ESM1: variants seen among roughly 807,000 people sequenced by gnomAD.
ESM1 encodes endothelial cell specific molecule 1, also known as endothelial cell-specific molecule 1.
In ESM1, 7 loss-of-function variants were observed where a neutral mutation model predicts 14.9. That is an observed-to-expected ratio of 0.47 (90% CI 0.27 to 0.88). ESM1 has a LOEUF of 0.88. Ranked by LOEUF, ESM1 falls within the 40% of genes least tolerant of loss-of-function variation. The probability of loss-of-function intolerance (pLI) is 0.14; values close to 1 mark genes in which losing one functional copy is unlikely to be tolerated. For synonymous variants in ESM1, 89 were observed against 89.4 expected, an observed-to-expected ratio of 1.00 and a Z score of 0.02; for missense variants, 192 against 237.9, an observed-to-expected ratio of 0.81 and a Z score of 1.27.
At chr5:54,983,422 T>C (rs1446166597) in intron 1 of ESM1, among the ~76,000 whole-genome samples, 1 of 152,234 alleles carries the variant, frequency 6.6e-6, no homozygotes, top group Non-Finnish European at 1.5e-5. Flanking sequence ...ATAGTAAGTG[T>C]TCATTAAATA....
Position 54,985,346 on chromosome 5 carries a change from C to T in ESM1, c.172G>A (p.Ala58Thr), listed in dbSNP as rs1030370209. The part of the protein sequence containing the change: ...LDDCGCCRVC[A>T]AGRGETCYRT... The stretch of plus-strand genomic sequence containing the variant: ...TAGCAAGTTTCTCCCCGCCCTGCAG[C>T]GCACACTCGGCAGCAGCCACAGTCG... The change falls in exon 1 of 3, where the codon GCT becomes ACT. Residue 58 changes from alanine to threonine, a missense_variant. Coordinates refer to ENST00000381405, the MANE Select transcript of ESM1 (RefSeq NM_007036.5). 1 of 1,614,174 alleles carries T rather than the reference C, an allele frequency of 6.2e-7. No individual in the cohort carries two copies. Among genetic ancestry groups the T allele is most frequent in the South Asian group, 1.1e-5 (1 of 91,084 alleles).
chr5:54,982,715 G>A (rs1458321430), intron 1 of ESM1, among the ~76,000 whole-genome samples: 1 of 152,114 alleles, frequency 6.6e-6, no homozygotes, highest in Non-Finnish European at 1.5e-5. Flanking sequence ...TGTCGAAACG[G>A]CATGTCATAC....
rs184806989 is a variant in ESM1, at chr5:54,984,501, G to A, written c.301+716C>T. 7.9e-5 allele frequency among the ~76,000 whole-genome samples: 12 copies of A among 152,180 alleles called. No homozygotes were observed. The East Asian group carries it at 9.6e-4, about 12-fold the overall frequency. On this transcript the variant is annotated intron_variant, in intron 1 of 2. Transcript: ENST00000381405. ...TTATTTAGCTAAAATTTCAACCGAC[G>A]AAGTTTTTCTTTAAGTGTACAAGTG...
chr5:54,983,150 T>C (rs1740426248), intron 1 of ESM1, among the ~76,000 whole-genome samples: 1 of 152,198 alleles, frequency 6.6e-6, no homozygotes, highest in Non-Finnish European at 1.5e-5. Context: ...AAGTAGATCA[T>C]CAATGAGCTA....
intron 2 of ESM1, 107 bp from the exon 3 acceptor site, chr5:54,979,542 C>T (rs1744010979): frequency 2.7e-6 from 2 of 750,610 alleles, no homozygotes; most frequent in Non-Finnish European, 4.6e-6. Context: ...AATCTTTAAT[C>T]AATTTAAGAT....
chr5:54,978,701 C>A lies in ESM1; in HGVS notation c.*631G>T, dbSNP rs1743985661. On this transcript the variant is annotated 3_prime_UTR_variant, in exon 3 of 3. Transcript: ENST00000381405. ...CCTTCAGATACAGGTAACCCGGGAA[C>A]TACATCAGCAGCCTTTTGAAATTGC... is the stretch of plus-strand genomic sequence containing the variant. 6.6e-6 allele frequency: 1 copy of A among 152,488 alleles called. No individual in the cohort carries two copies. Among genetic ancestry groups the A allele is most frequent in the South Asian group, 2.1e-4 (1 of 4,820 alleles). 9.4% of individuals were successfully genotyped at this position (152,488 alleles called of 1,614,324 possible). A position where few individuals can be genotyped will look rare whatever the true frequency, so the allele number is the denominator to read the frequency against.
At position 54,978,380 on chromosome 5, in the gene ESM1, T is replaced by A; in HGVS notation, c.*952A>T. The A allele has an allele frequency of 1.3e-5, 2 of 152,156 alleles. No individual in the cohort carries two copies. The highest frequency in any genetic ancestry group is 4.2e-4 in the South Asian group (2 of 4,792). The allele number at this position is 152,156 out of a possible 1,614,324, so 9.4% of individuals were successfully genotyped here. The stretch of plus-strand genomic sequence containing the variant: ...TTATGCTTATTAAGGTTATTATTAC[T>A]ATAATTATGGATAATAAATTTATCA... On this transcript the variant is annotated 3_prime_UTR_variant, in exon 3 of 3. Coordinates refer to ENST00000381405, the MANE Select transcript of ESM1 (RefSeq NM_007036.5).
In ESM1 at chr5:54,977,885, A is replaced by G. The variant is rs1743966910; in HGVS notation, c.*1447T>C. ...GAGAAGCTGTATCTTGTTCTTTTTT[A>G]TTGAACAATAATAAACATGTCCTTT... On this transcript the variant is annotated 3_prime_UTR_variant, in exon 3 of 3. Coordinates refer to ENST00000381405, the MANE Select transcript of ESM1 (RefSeq NM_007036.5). The G allele has an allele frequency of 6.6e-6, 1 of 152,210 alleles. No individual in the cohort carries two copies. Among genetic ancestry groups the G allele is most frequent in the African/African-American group, 2.4e-5 (1 of 41,470 alleles). The allele number at this position is 152,210 out of a possible 1,614,324, so 9.4% of individuals were successfully genotyped here. A position where few individuals can be genotyped will look rare whatever the true frequency, so the allele number is the denominator to read the frequency against.
rs1740518629 is a variant in ESM1, at chr5:54,985,518, G to A, written c.-1C>T. ...TGGTCAGCAGCAAGACGCTCTTCATGTTTCCCAGCTGCCTCCGGCTCGGCT... is the reference window on the plus strand; with the variant it reads ...TGGTCAGCAGCAAGACGCTCTTCATATTTCCCAGCTGCCTCCGGCTCGGCT... On this transcript the variant is annotated 5_prime_UTR_variant, in exon 1 of 3. Coordinates refer to ENST00000381405, the MANE Select transcript of ESM1 (RefSeq NM_007036.5). 1 of 1,587,762 alleles carries A rather than the reference G, an allele frequency of 6.3e-7. No individual in the cohort carries two copies. The highest frequency in any genetic ancestry group is 1.7e-5 in the Admixed American group (1 of 59,360).
At chr5:54,981,537 T>C (rs1263822901) in intron 2 of ESM1, among the ~76,000 whole-genome samples, 1 of 152,204 alleles carries the variant, frequency 6.6e-6, no homozygotes, top group Non-Finnish European at 1.5e-5. Context: ...TTTCATTTGG[T>C]TAAAAAAAAG....
chr5:54,979,898 A>G (rs1744018272), intron 2 of ESM1, among the ~76,000 whole-genome samples: 1 of 152,242 alleles, frequency 6.6e-6, no homozygotes, highest in Non-Finnish European at 1.5e-5. Flanking sequence ...TGCTGCATCC[A>G]GAAGGCAAAA....
At chr5:54,982,255 G>C in intron 1 of ESM1, 109 bp from the exon 2 acceptor site, 1 of 1,014,400 alleles carries the variant, frequency 9.9e-7, no homozygotes, top group Non-Finnish European at 1.4e-6. Context: ...CATGAACCTT[G>C]ACTGTAAAGT....
rs1744002239 is a variant in ESM1 at position 54,979,228 on chromosome 5, A to C, written c.*104T>G. The C allele has an allele frequency of 1.2e-6, 1 of 856,076 alleles. No homozygotes were observed. Among genetic ancestry groups the C allele is most frequent in the South Asian group, 1.6e-5 (1 of 63,422 alleles). 53.0% of individuals were successfully genotyped at this position (856,076 alleles called of 1,614,324 possible). A position where few individuals can be genotyped will look rare whatever the true frequency, so the allele number is the denominator to read the frequency against. On this transcript the variant is annotated 3_prime_UTR_variant, in exon 3 of 3. Coordinates refer to ENST00000381405, the MANE Select transcript of ESM1 (RefSeq NM_007036.5). ...CACCATGCATCACATTTGGTCTTCA[A>C]AAATTACATGTCCTTATGCTATAAT...
intron 1 of ESM1, among the ~76,000 whole-genome samples, chr5:54,984,367 G>A (rs188446857): frequency 5.9e-5 from 9 of 152,068 alleles, no homozygotes; most frequent in East Asian, 1.9e-4. Context: ...ATATCTATAC[G>A]TAGAGTATTT....
intron 1 of ESM1, 91 bp downstream of exon 1, chr5:54,985,126 A>C: frequency 8.5e-7 from 1 of 1,175,230 alleles, no homozygotes; most frequent in East Asian, 2.4e-5. Context: ...TTTCCCTCTT[A>C]CTCTTGAGGA....
rs573042886 is a variant in ESM1 at position 54,984,799 on chromosome 5, A to G, written c.301+418T>C. On this transcript the variant is annotated intron_variant, in intron 1 of 2. Coordinates refer to ENST00000381405, the MANE Select transcript of ESM1 (RefSeq NM_007036.5). Reference sequence around the variant, plus strand: ...CTGTGGACCCTTTCAAGATCAAAGAATCACTAAATCTGGGGGCTAGAAACC... The same window carrying G: ...CTGTGGACCCTTTCAAGATCAAAGAGTCACTAAATCTGGGGGCTAGAAACC... 7.9e-5 allele frequency among the ~76,000 whole-genome samples: 12 copies of G among 152,298 alleles called. No homozygotes were observed. In the South Asian group the frequency reaches 2.5e-3, roughly 32 times the overall value.
chr5:54,982,874 C>T (rs1440206214), intron 1 of ESM1, among the ~76,000 whole-genome samples: 2 of 152,164 alleles, frequency 1.3e-5, no homozygotes, highest in Non-Finnish European at 2.9e-5. Context: ...GCTTTTAGAC[C>T]TCCAGTGCTT....
At chr5:54,983,597 G>T (rs918728363) in intron 1 of ESM1, among the ~76,000 whole-genome samples, 4 of 152,328 alleles carry the variant, frequency 2.6e-5, no homozygotes, top group Admixed American at 6.5e-5. Flanking sequence ...ATCTCGAGTT[G>T]CTAAGGCTCA....
rs368022597 is a variant in ESM1, at chr5:54,979,295, C to G, written c.*37G>C. 5 of 1,478,376 alleles carry G rather than the reference C, an allele frequency of 3.4e-6. No homozygotes were observed. The highest frequency in any genetic ancestry group is 1.4e-5 in the African/African-American group (1 of 72,216). 91.6% of individuals were successfully genotyped at this position (1,478,376 alleles called of 1,614,324 possible). On this transcript the variant is annotated 3_prime_UTR_variant, in exon 3 of 3. Coordinates refer to ENST00000381405, the MANE Select transcript of ESM1 (RefSeq NM_007036.5). ...ATGTTGGCTGTGTGTTGAACAATCA[C>G]GAAAATAGAGCCTTCTCTCAGAAAT...
Sources: gnomAD v4.1 joint callset for allele counts (sites outside exome capture counted in the v4.1 genomes callset) on GRCh38, gnomAD v4.1.1 for gene constraint, MANE v1.5 for transcripts, NCBI Gene and HGNC (gene_info 2026-07-23, HGNC 2026-07-21) for gene names.